The following ZDHHC14 variants were observed in gnomAD, a reference collection of about 807,000 sequenced individuals.
ZDHHC14 encodes the protein palmitoyltransferase ZDHHC14.
In ZDHHC14, 16 loss-of-function variants were observed where a neutral mutation model predicts 47.7. The observed-to-expected ratio is 0.34, with a 90% CI of 0.23 to 0.51. ZDHHC14 has a LOEUF of 0.51. Among genes scored for constraint, ZDHHC14 ranks in the 20% least tolerant of loss-of-function variants. ZDHHC14 has a pLI of 0.97. For missense variants in ZDHHC14, 515 were observed against 662.5 expected, an observed-to-expected ratio of 0.78 and a Z score of 2.44; for synonymous variants, 293 against 278.9, an observed-to-expected ratio of 1.05 and a Z score of -0.50.
intron 1 of ZDHHC14, among the ~76,000 whole-genome samples, chr6:157,487,421 C>G (rs373484789): frequency 1.3e-5 from 2 of 152,252 alleles, no homozygotes. Context: ...CCTGTAAGGA[C>G]TAAAGAAAAT....
In ZDHHC14 at chr6:157,451,835, T is replaced by C. The variant is rs533579956; in HGVS notation, c.245+69569T>C. On this transcript the variant is annotated intron_variant, in intron 1 of 8. Coordinates refer to ENST00000359775, the MANE Select transcript of ZDHHC14 (RefSeq NM_024630.3). ...TCAGCCTCCCAAAGTGCTGGGATTATAGGCGTGAGCCACTGCGCTCAGCAT... is the reference window on the plus strand; with the variant it reads ...TCAGCCTCCCAAAGTGCTGGGATTACAGGCGTGAGCCACTGCGCTCAGCAT... Among the ~76,000 whole-genome samples the C allele has an allele frequency of 8.5e-5, 13 of 152,306 alleles. No individual in the cohort carries two copies. In the South Asian group the frequency reaches 2.5e-3, roughly 29 times the overall value.
intron 2 of ZDHHC14, among the ~76,000 whole-genome samples, chr6:157,564,838 C>CT (rs1436016834): frequency 6.6e-6 from 1 of 152,230 alleles, no homozygotes; most frequent in Non-Finnish European, 1.5e-5. Context: ...GTTTGGGCCT[C>CT]TGACGGCTGC....
intron 5 of ZDHHC14, among the ~76,000 whole-genome samples, chr6:157,640,238 T>C (rs1050975936): frequency 2.0e-5 from 3 of 152,240 alleles, no homozygotes; most frequent in Non-Finnish European, 2.9e-5. Context: ...TCATGACTTA[T>C]TGTTCAGCTC....
intron 1 of ZDHHC14, among the ~76,000 whole-genome samples, chr6:157,539,671 C>A (rs9457723): frequency 0.4 from 60,198 of 151,924 alleles, 12,088 homozygotes; most frequent in Admixed American, 0.45. Flanking sequence ...TAACCATCTC[C>A]TAGACCCAGA....
intron 1 of ZDHHC14, among the ~76,000 whole-genome samples, chr6:157,410,222 T>G (rs952795009): frequency 6.6e-6 from 1 of 152,180 alleles, no homozygotes; most frequent in Non-Finnish European, 1.5e-5. Context: ...TAGTGGCATT[T>G]TTTTGTTTTT....
At chr6:157,445,039 G>C (rs1778633650) in intron 1 of ZDHHC14, among the ~76,000 whole-genome samples, 3 of 151,430 alleles carry the variant, frequency 2.0e-5, no homozygotes, top group Admixed American at 2.0e-4. Flanking sequence ...CAGAGTCCAG[G>C]CTGGGGAAGG....
Position 157,491,366 on chromosome 6 carries a change from G to A in ZDHHC14, c.246-51219G>A, listed in dbSNP as rs191430752. ...TTTTCTGTGTTCGTTTAGAGCCAAAGGCAGGAACTACATTGATTCTGTGGT... is the reference window on the plus strand; with the variant it reads ...TTTTCTGTGTTCGTTTAGAGCCAAAAGCAGGAACTACATTGATTCTGTGGT... On this transcript the variant is annotated intron_variant, in intron 1 of 8. Coordinates refer to ENST00000359775, the MANE Select transcript of ZDHHC14 (RefSeq NM_024630.3). Among the ~76,000 whole-genome samples, 299 of 152,322 alleles carry A rather than the reference G, an allele frequency of 2.0e-3. 1 individual carries two copies. Among genetic ancestry groups the A allele is most frequent in the Admixed American group, 4.3e-3 (66 of 15,294 alleles).
At chr6:157,642,768 C>A (rs1777317322) in intron 5 of ZDHHC14, among the ~76,000 whole-genome samples, 1 of 152,192 alleles carries the variant, frequency 6.6e-6, no homozygotes, top group South Asian at 2.1e-4. Context: ...ATTTCTGTTT[C>A]TTGACCTTAT....
chr6:157,478,944 A>G (rs1779553042), intron 1 of ZDHHC14, among the ~76,000 whole-genome samples: 1 of 152,240 alleles, frequency 6.6e-6, no homozygotes, highest in Non-Finnish European at 1.5e-5. Context: ...GGTGCACCAG[A>G]TCCATGATCT....
chr6:157,634,482 GTGCCCT>G (rs1776867821), intron 5 of ZDHHC14, among the ~76,000 whole-genome samples: 1 of 152,130 alleles, frequency 6.6e-6, no homozygotes, highest in Non-Finnish European at 1.5e-5. Context: ...TCACCTCTCT[GTGCCCT>G]TCTGTTTTCA....
intron 1 of ZDHHC14, among the ~76,000 whole-genome samples, chr6:157,497,914 A>G (rs9457612): frequency 0.025 from 3,846 of 152,284 alleles, 235 homozygotes; most frequent in Admixed American, 0.15. Context: ...CTGTCTTCTC[A>G]TAGCTTATAA....
intron 3 of ZDHHC14, among the ~76,000 whole-genome samples, chr6:157,613,885 C>T (rs866041156): frequency 3.3e-5 from 5 of 152,116 alleles, no homozygotes; most frequent in Admixed American, 6.5e-5. Context: ...AGTCTAAGAA[C>T]GGTTGCCCTG....
intron 5 of ZDHHC14, among the ~76,000 whole-genome samples, chr6:157,643,013 T>C (rs1777332424): frequency 6.6e-6 from 1 of 152,238 alleles, no homozygotes; most frequent in Admixed American, 6.5e-5. Context: ...AGAGCAGACT[T>C]CCGGCATTCA....
At chr6:157,452,689 G>GTTTTTTT (rs1778828593) in intron 1 of ZDHHC14, among the ~76,000 whole-genome samples, 1 of 121,640 alleles carries the variant, frequency 8.2e-6, no homozygotes, top group Non-Finnish European at 1.7e-5. Context: ...AATACATGGG[G>GTTTTTTT]ATTTTTTTTT....
chr6:157,420,262 A>G (rs1378903217), intron 1 of ZDHHC14, among the ~76,000 whole-genome samples: 1 of 130,186 alleles, frequency 7.7e-6, no homozygotes, highest in African/African-American at 3.0e-5. Context: ...ATGAGAGGAG[A>G]GAAGGTATAG....
chr6:157,586,787 ATTTC>A lies in ZDHHC14; in HGVS notation c.407-6197_407-6194del, dbSNP rs1474622548. On this transcript the variant is annotated intron_variant, in intron 2 of 8. Coordinates refer to ENST00000359775, the MANE Select transcript of ZDHHC14 (RefSeq NM_024630.3). This position sits in a 1 kb window ranked among gnomAD's most constrained non-coding sequence, Gnocchi z 4.6. ...TGAATCCAGGTCTTCTGATCCTTCC[ATTTC>A]TTTTACATAAAGAGCTCTCCAAATA... Among the ~76,000 whole-genome samples the A allele has an allele frequency of 6.6e-6, 1 of 152,120 alleles. No individual in the cohort carries two copies. The highest frequency in any genetic ancestry group is 6.5e-5 in the Admixed American group (1 of 15,272).
intron 1 of ZDHHC14, among the ~76,000 whole-genome samples, chr6:157,486,149 G>T (rs1174533116): frequency 1.3e-5 from 2 of 152,162 alleles, no homozygotes; most frequent in African/African-American, 2.4e-5. Flanking sequence ...GTTGCCCTGG[G>T]CCTCTGTATG....
intron 5 of ZDHHC14, 40 bp from the exon 6 acceptor site, chr6:157,645,697 G>A (rs750149253): frequency 3.3e-5 from 52 of 1,553,978 alleles, no homozygotes; most frequent in African/African-American, 1.5e-4. Flanking sequence ...CACTTCTTGC[G>A]CGGTCCCTCA....
chr6:157,526,398 G>A (rs1039134112), intron 1 of ZDHHC14, among the ~76,000 whole-genome samples: 9 of 152,112 alleles, frequency 5.9e-5, no homozygotes, highest in African/African-American at 1.9e-4. Flanking sequence ...ACAACACCAC[G>A]ACCCTCTTCT....
Sources: allele counts gnomAD v4.1 joint callset (sites outside exome capture counted in the v4.1 genomes callset), GRCh38; gene constraint gnomAD v4.1.1; non-coding constraint Gnocchi (gnomAD v3.1); transcripts MANE v1.5; gene names NCBI Gene and HGNC (gene_info 2026-07-23, HGNC 2026-07-21).